The following THOC1 variants were observed in gnomAD, a reference collection of about 807,000 sequenced individuals.
THOC1 encodes the protein THO complex 1.
A neutral mutation model predicts 97.3 loss-of-function variants in THOC1; 29 were observed. That is an observed-to-expected ratio of 0.30 (90% CI 0.22 to 0.41). The LOEUF (loss-of-function observed/expected upper bound fraction) is 0.41. THOC1 is among the 10% of genes least tolerant of loss of function. The pLI, the probability that THOC1 is intolerant of heterozygous loss-of-function variation, is 1.00. For synonymous variants in THOC1, 255 were observed against 257.0 expected (o/e 0.99, Z 0.07); for missense variants, 529 against 761.9 (o/e 0.69, Z 3.60).
chr18:226,326 A>C (rs1400500979), intron 12 of THOC1: 1 of 154,604 alleles, frequency 6.5e-6, no homozygotes, highest in Non-Finnish European at 1.4e-5. Context: ...AATGGATGGA[A>C]GTATTTAGAT....
chr18:218,636 TGGGGATCAG>T (rs1910975919), intron 18 of THOC1, among the ~76,000 whole-genome samples: 1 of 151,464 alleles, frequency 6.6e-6, no homozygotes, highest in Non-Finnish European at 1.5e-5. Context: ...TGGAGAGAAA[TGGGGATCAG>T]GGGGAGTTTT....
chr18:248,907 T>C (rs888872505), intron 9 of THOC1, among the ~76,000 whole-genome samples: 5 of 152,108 alleles, frequency 3.3e-5, no homozygotes, highest in Non-Finnish European at 5.9e-5. Context: ...CCCGCCACCA[T>C]GCCCGGCTAA....
At chr18:224,063 C>T (rs759915285) in intron 16 of THOC1, 21 bp downstream of exon 16, 19 of 1,486,152 alleles carry the variant, frequency 1.3e-5, no homozygotes, top group Middle Eastern at 3.4e-4. Context: ...GAACATCCCA[C>T]ATGAAGACAA....
intron 4 of THOC1, among the ~76,000 whole-genome samples, chr18:261,703 T>G (rs1321665682): frequency 6.6e-6 from 1 of 152,196 alleles, no homozygotes; most frequent in Non-Finnish European, 1.5e-5. Flanking sequence ...ACCCTGCACA[T>G]CCAAGAGATT....
At chr18:230,473 A>G (rs746742269) in intron 11 of THOC1, among the ~76,000 whole-genome samples, 1 of 152,212 alleles carries the variant, frequency 6.6e-6, no homozygotes, top group Non-Finnish European at 1.5e-5. Context: ...GATTGAAAAT[A>G]GGAGTCAACA....
chr18:215,244 T>C (rs1403221377), intron 20 of THOC1, among the ~76,000 whole-genome samples, 185 bp downstream of exon 20: 1 of 152,234 alleles, frequency 6.6e-6, no homozygotes, highest in Admixed American at 6.5e-5. Flanking sequence ...CCCAATTTTA[T>C]TGCATAAAAT....
chr18:216,982 T>G (rs1910914196), intron 18 of THOC1, among the ~76,000 whole-genome samples: 1 of 152,374 alleles, frequency 6.6e-6, no homozygotes, highest in East Asian at 1.9e-4. Context: ...ATCATCCATC[T>G]AGCTATTTGG....
At chr18:220,428 C>T (rs1911037650) in intron 17 of THOC1, among the ~76,000 whole-genome samples, 1 of 147,614 alleles carries the variant, frequency 6.8e-6, no homozygotes, top group Non-Finnish European at 1.5e-5. Context: ...GATTCTCAAA[C>T]TTAGTTTTTA....
chr18:232,593 G>T (rs1350878213), intron 11 of THOC1, among the ~76,000 whole-genome samples: 1 of 151,768 alleles, frequency 6.6e-6, no homozygotes, highest in African/African-American at 2.4e-5. Flanking sequence ...TCTTCTTAGA[G>T]ATTTCCTTGT....
chr18:226,567 A>G (rs1380441546), intron 12 of THOC1, among the ~76,000 whole-genome samples: 9 of 152,140 alleles, frequency 5.9e-5, no homozygotes, highest in Admixed American at 5.9e-4. Context: ...TAAAGACGAC[A>G]ACTCCTGGCA....
intron 19 of THOC1, 126 bp from the exon 20 acceptor site, chr18:215,630 G>A: frequency 1.5e-6 from 1 of 685,604 alleles, no homozygotes; most frequent in Non-Finnish European, 2.5e-6. Flanking sequence ...ACCCCTGAGA[G>A]CGTTAAATGA....
At chr18:223,920 T>G (rs1231266720) in intron 16 of THOC1, among the ~76,000 whole-genome samples, 164 bp downstream of exon 16, 1 of 152,184 alleles carries the variant, frequency 6.6e-6, no homozygotes, top group East Asian at 1.9e-4. Context: ...ATCTGGTGCA[T>G]GAACCCACAC....
chr18:249,391 G>T (rs975968158), intron 9 of THOC1, among the ~76,000 whole-genome samples: 5 of 152,174 alleles, frequency 3.3e-5, no homozygotes, highest in East Asian at 1.9e-4. Flanking sequence ...CACAGGCTGG[G>T]CACGGTGGCT....
chr18:214,827 G>T lies in THOC1; in HGVS notation c.1773C>A (p.Tyr591Ter). Residue 591 changes from tyrosine to a stop codon, truncating the protein, a stop_gained, in exon 21 of 21, where the codon TAC becomes TAA. Transcript: ENST00000261600. LOFTEE classifies it high-confidence loss of function. ...LGEQWKILAPYLEMKDSEIRQ... is the reference protein window; with the variant it reads ...LGEQWKILAP ...TAATTTCTGAGTCTTTCATTTCCAA[G>T]TAGGGAGCCAGAATCTTCCATTGTT... The T allele has an allele frequency of 6.2e-7, 1 of 1,613,874 alleles. No homozygotes were observed. Among genetic ancestry groups the T allele is most frequent in the Non-Finnish European group, 8.5e-7 (1 of 1,179,848 alleles).
chr18:216,657 G>A, intron 18 of THOC1, 24 bp from the exon 19 acceptor site: 1 of 1,602,882 alleles, frequency 6.2e-7, no homozygotes, highest in Non-Finnish European at 8.5e-7. Context: ...TGTCAGGCTT[G>A]TAATTTATAG....
chr18:229,766 T>A (rs762512568), intron 11 of THOC1, among the ~76,000 whole-genome samples: 6 of 152,160 alleles, frequency 3.9e-5, no homozygotes, highest in Non-Finnish European at 7.4e-5. Flanking sequence ...ACTGTCCTCA[T>A]CCTACTTGAT....
At chr18:260,875 A>G (rs939870590) in intron 4 of THOC1, 3 of 152,252 alleles carry the variant, frequency 2.0e-5, no homozygotes, top group Non-Finnish European at 4.4e-5. Context: ...TCAAAATTGT[A>G]TGTACATATG....
At chr18:238,067 G>A (rs992299322) in intron 11 of THOC1, among the ~76,000 whole-genome samples, 6 of 152,052 alleles carry the variant, frequency 3.9e-5, no homozygotes, top group Non-Finnish European at 8.8e-5. Flanking sequence ...GTTTCACCAT[G>A]TTGGCCAGGC....
chr18:265,012 G>C (rs111685292), intron 3 of THOC1: 1 of 330,458 alleles, frequency 3.0e-6, no homozygotes, highest in African/African-American at 2.2e-5. Context: ...GCTTATACAG[G>C]AAAGTGAGAG....
Sources: gnomAD v4.1 joint callset for allele counts (sites outside exome capture counted in the v4.1 genomes callset) on GRCh38, gnomAD v4.1.1 for gene constraint, MANE v1.5 for transcripts, NCBI Gene and HGNC (gene_info 2026-07-23, HGNC 2026-07-21) for gene names.